EXOSC10: variants seen among roughly 807,000 people sequenced by gnomAD.
EXOSC10 encodes exosome component 10.
Under a neutral mutation model 126.6 loss-of-function variants are expected in EXOSC10, and 94 were observed. The observed-to-expected ratio is 0.74, with a 90% CI of 0.63 to 0.88. The LOEUF (loss-of-function observed/expected upper bound fraction) is 0.88, where lower values mean the gene tolerates loss of function less well. EXOSC10 is among the 40% of genes least tolerant of loss of function. EXOSC10 has a pLI of 0.00. For missense variants in EXOSC10, 1,041 were observed against 1,100.5 expected, an observed-to-expected ratio of 0.95 and a Z score of 0.77; for synonymous variants, 395 against 400.8, an observed-to-expected ratio of 0.99 and a Z score of 0.17.
chr1:11,068,740 A>G, intron 22 of EXOSC10, 34 bp from the exon 23 acceptor site: 1 of 1,549,304 alleles, frequency 6.5e-7, no homozygotes, highest in Non-Finnish European at 8.9e-7. Flanking sequence ...ACCTGCGGTC[A>G]GGTCAATGAG....
At chr1:11,089,222 T>TAAAA (rs533212430) in intron 6 of EXOSC10, among the ~76,000 whole-genome samples, 12 of 49,736 alleles carry the variant, frequency 2.4e-4, no homozygotes, top group Non-Finnish European at 2.9e-4. Context: ...AGAGCAAAAC[T>TAAAA]AAAAAAAAAA....
Position 11,090,594 on chromosome 1 carries a change from A to C in EXOSC10, c.718T>G (p.Phe240Val). 1 of 1,614,106 alleles carries C rather than the reference A, an allele frequency of 6.2e-7. No homozygotes were observed. The highest frequency in any genetic ancestry group is 8.5e-7 in the Non-Finnish European group (1 of 1,180,004). Residue 240 changes from phenylalanine to valine, a missense_variant, in exon 6 of 25, where the codon TTC (phenylalanine) becomes GTC (valine). By Grantham distance (50) the Phe-to-Val change is conservative (BLOSUM62 -1). Transcript: ENST00000376936. ...DLDVPPALAD[F>V]IHQQRTQQVE... Reference sequence around the variant, plus strand: ...TGCTGGGTTCTCTGCTGATGGATGAAATCAGCCAGTGCAGGGGGGACGTCC... The same window carrying C: ...TGCTGGGTTCTCTGCTGATGGATGACATCAGCCAGTGCAGGGGGGACGTCC...
intron 24 of EXOSC10, among the ~76,000 whole-genome samples, 194 bp from the exon 25 acceptor site, chr1:11,066,942 T>C (rs1639131814): frequency 6.6e-6 from 1 of 152,254 alleles, no homozygotes; most frequent in African/African-American, 2.4e-5. Context: ...CTGTTTTTCC[T>C]GCCCTCGGGC....
At chr1:11,097,712 C>T (rs367690327) in intron 2 of EXOSC10, among the ~76,000 whole-genome samples, 32 of 151,058 alleles carry the variant, frequency 2.1e-4, no homozygotes, top group African/African-American at 6.8e-4. Context: ...GGCAATAGAG[C>T]GAGACTCCGT....
intron 22 of EXOSC10, among the ~76,000 whole-genome samples, chr1:11,069,259 G>GAGAGAGA (rs1553164212): frequency 2.3e-5 from 3 of 132,396 alleles, no homozygotes; most frequent in South Asian, 2.6e-4. Context: ...GAGAGAGAGA[G>GAGAGAGA]GGTTTATGGG....
Position 11,091,487 on chromosome 1 carries a change from C to T in EXOSC10, c.477+6G>A. 6.2e-7 allele frequency: 1 copy of T among 1,612,490 alleles called. No homozygotes were observed. The highest frequency in any genetic ancestry group is 8.5e-7 in the Non-Finnish European group (1 of 1,178,834). ...AAGAGCTCTAGTTAATCTGAAAAGC[C>T]CTCACCTTACGGTTCCAGCTGGACA... On this transcript the variant is annotated splice_donor_region_variant and intron_variant, in intron 4 of 24. Coordinates refer to ENST00000376936, the MANE Select transcript of EXOSC10 (RefSeq NM_001001998.3).
intron 19 of EXOSC10, chr1:11,072,503 G>A: frequency 4.4e-6 from 1 of 227,696 alleles, no homozygotes; most frequent in Non-Finnish European, 8.8e-6. Context: ...TTGTCCAAGG[G>A]ACATGGTCAG....
intron 10 of EXOSC10, among the ~76,000 whole-genome samples, chr1:11,082,018 G>T (rs1002756410): frequency 1.3e-5 from 2 of 150,910 alleles, no homozygotes; most frequent in Non-Finnish European, 2.9e-5. Flanking sequence ...GGAGGCAGAG[G>T]TTGTGGTGAG....
intron 9 of EXOSC10, among the ~76,000 whole-genome samples, chr1:11,085,233 C>G (rs999343839): frequency 1.3e-5 from 2 of 152,146 alleles, no homozygotes; most frequent in African/African-American, 4.8e-5. Context: ...TGGCCATTTT[C>G]ACGATATTGA....
At chr1:11,099,505 A>G (rs1047033822) in intron 1 of EXOSC10, among the ~76,000 whole-genome samples, 1 of 152,204 alleles carries the variant, frequency 6.6e-6, no homozygotes, top group African/African-American at 2.4e-5. Context: ...TTGGGCCTCC[A>G]TGGACTTAGG....
At chr1:11,079,216 C>T (rs572049046) in intron 14 of EXOSC10, among the ~76,000 whole-genome samples, 78 of 151,242 alleles carry the variant, frequency 5.2e-4, no homozygotes, top group Non-Finnish European at 9.1e-4. Flanking sequence ...GTAATCCCAG[C>T]GACTCAGGAG....
In EXOSC10 at chr1:11,091,103, A is replaced by C; in HGVS notation, c.554T>G (p.Leu185Arg). Reference protein sequence around the residue: ...LHAKNIIRPQLKFREKIDNSN... With the variant: ...LHAKNIIRPQRKFREKIDNSN... ...ATTGTCAATCTTCTCTCGAAACTTG[A>C]GCTGAGGTCGGATGATATTTTTTGC... Residue 185 changes from leucine to arginine, a missense_variant, in exon 5 of 25, where the codon CTC becomes CGC. Coordinates refer to ENST00000376936, the MANE Select transcript of EXOSC10 (RefSeq NM_001001998.3). The C allele has an allele frequency of 6.2e-7, 1 of 1,614,174 alleles. No homozygotes were observed. The highest frequency in any genetic ancestry group is 8.5e-7 in the Non-Finnish European group (1 of 1,180,034).
Position 11,082,669 on chromosome 1 carries a change from T to C in EXOSC10, c.1280+19A>G. On this transcript the variant is annotated intron_variant, in intron 10 of 24. Transcript: ENST00000376936. ...ACTTTCTTCTGCCACCCACATTTCCTCAGTAAGAGCAAACTGACCGTATTC... is the reference window on the plus strand; with the variant it reads ...ACTTTCTTCTGCCACCCACATTTCCCCAGTAAGAGCAAACTGACCGTATTC... 6.2e-7 allele frequency: 1 copy of C among 1,612,754 alleles called. No homozygotes were observed. The highest frequency in any genetic ancestry group is 8.5e-7 in the Non-Finnish European group (1 of 1,178,862).
intron 9 of EXOSC10, among the ~76,000 whole-genome samples, chr1:11,084,629 T>C (rs1337200346): frequency 6.6e-6 from 1 of 152,252 alleles, no homozygotes; most frequent in Non-Finnish European, 1.5e-5. Context: ...TTTAGTTTAA[T>C]TAGATCCCAT....
At chr1:11,093,677 G>A (rs748884688) in intron 3 of EXOSC10, among the ~76,000 whole-genome samples, 7 of 152,212 alleles carry the variant, frequency 4.6e-5, no homozygotes, top group Non-Finnish European at 8.8e-5. Flanking sequence ...AATCCTGTGA[G>A]CTGGAGGGGG....
chr1:11,089,141 G>C (rs1570841643), intron 6 of EXOSC10, among the ~76,000 whole-genome samples: 1 of 151,312 alleles, frequency 6.6e-6, no homozygotes, highest in African/African-American at 2.4e-5. Flanking sequence ...TGAGGCAGGG[G>C]GATTGCTTGA....
intron 21 of EXOSC10, chr1:11,070,590 T>C (rs907114565): frequency 2.7e-5 from 7 of 262,198 alleles, no homozygotes; most frequent in Non-Finnish European, 5.0e-5. Context: ...TGCAACATTT[T>C]TGTAGGACAC....
chr1:11,079,697 G>A lies in EXOSC10; in HGVS notation c.1749+14C>T, dbSNP rs1461570534. 1 of 1,608,590 alleles carries A rather than the reference G, an allele frequency of 6.2e-7. No homozygotes were observed. The highest frequency in any genetic ancestry group is 8.5e-7 in the Non-Finnish European group (1 of 1,176,342). ...GCGTGAGCCACTGTGCCCAGCCGCA[G>A]AAAAGCTTCTTACCTTGAGCAGGGG... On this transcript the variant is annotated intron_variant, in intron 14 of 24. Transcript: ENST00000376936.
intron 17 of EXOSC10, 89 bp from the exon 18 acceptor site, chr1:11,074,415 T>C: frequency 1.2e-6 from 1 of 835,402 alleles, no homozygotes; most frequent in Non-Finnish European, 1.9e-6. Context: ...TAACAGTGAT[T>C]TTTTTTTTTT....
Sources: gnomAD v4.1 joint callset for allele counts (sites outside exome capture counted in the v4.1 genomes callset) on GRCh38, gnomAD v4.1.1 for gene constraint, MANE v1.5 for transcripts, NCBI Gene and HGNC (gene_info 2026-07-23, HGNC 2026-07-21) for gene names.